The following ZNF726 variants were observed in gnomAD, a reference collection of about 807,000 sequenced individuals.
ZNF726 encodes the protein zinc finger protein 726, also known as zinc finger protein 92 pseudogene 3.
ZNF726 carries 15 observed loss-of-function variants against 11.6 expected under a neutral mutation model. The ratio of observed to expected loss-of-function variants is 1.29; its 90% CI spans 0.86 to 1.99. The LOEUF (loss-of-function observed/expected upper bound fraction) is 1.99, where lower values mean the gene tolerates loss of function less well. ZNF726 is among the 30% of genes most tolerant of loss of function. ZNF726 has a pLI of 0.00. For missense variants in ZNF726, 890 were observed against 725.6 expected, an observed-to-expected ratio of 1.23 and a Z score of -2.60; for synonymous variants, 295 against 243.6, an observed-to-expected ratio of 1.21 and a Z score of -1.96.
At chr19:23,941,292 T>A (rs1968334796) in intron 3 of ZNF726, among the ~76,000 whole-genome samples, 1 of 152,178 alleles carries the variant, frequency 6.6e-6, no homozygotes, top group Non-Finnish European at 1.5e-5. Flanking sequence ...TGTTGACGTG[T>A]GTGTGTTAAA....
At chr19:23,916,793 G>A (rs1448342996) in intron 1 of ZNF726, among the ~76,000 whole-genome samples, 1 of 151,232 alleles carries the variant, frequency 6.6e-6, no homozygotes, top group Middle Eastern at 3.2e-3. Flanking sequence ...GAATGTTTTT[G>A]GGTCAAGATT....
At chr19:23,940,335 A>G (rs1309554571) in intron 3 of ZNF726, among the ~76,000 whole-genome samples, 1 of 151,884 alleles carries the variant, frequency 6.6e-6, no homozygotes, top group African/African-American at 2.4e-5. Flanking sequence ...ATTTGGGTTT[A>G]TTTCTGGGTT....
downstream of ZNF726, among the ~76,000 whole-genome samples, chr19:23,937,211 A>G (rs1408463601): frequency 1.4e-5 from 2 of 143,348 alleles, no homozygotes; most frequent in East Asian, 4.4e-4. Context: ...TCCCTCCCGG[A>G]CGGGGCGGCT....
Position 23,932,589 on chromosome 19 carries a change from T to C in ZNF726, c.473T>C (p.Ile158Thr). 6.5e-7 allele frequency: 1 copy of C among 1,548,274 alleles called. No individual in the cohort carries two copies. The highest frequency in any genetic ancestry group is 8.7e-7 in the Non-Finnish European group (1 of 1,149,072). Reference protein sequence around the residue: ...GKYLKVFYKFINLNRYKIRHT... With the variant: ...GKYLKVFYKFTNLNRYKIRHT... Reference sequence around the variant, plus strand: ...TATTTGAAAGTCTTTTATAAATTTATAAATTTAAACAGATATAAGATAAGA... The same window carrying C: ...TATTTGAAAGTCTTTTATAAATTTACAAATTTAAACAGATATAAGATAAGA... The change falls in exon 4 of 4, where the codon ATA becomes ACA. Residue 158 changes from isoleucine (I) to threonine (T), a missense_variant. Ile to Thr is a moderately conservative substitution (Grantham distance 89). Coordinates refer to ENST00000594466, the MANE Select transcript of ZNF726 (RefSeq NM_001244038.2).
At chr19:23,932,309 G>GTT (rs1302651244) in intron 3 of ZNF726, 34 bp from the exon 4 acceptor site, 5 of 1,282,536 alleles carry the variant, frequency 3.9e-6, no homozygotes, top group Non-Finnish European at 5.0e-6. Flanking sequence ...TGTCAGTATA[G>GTT]TAAGTGGAGT....
intron 3 of ZNF726, among the ~76,000 whole-genome samples, chr19:23,930,276 CTA>C (rs1599465352): frequency 2.0e-5 from 3 of 151,872 alleles, no homozygotes; most frequent in Admixed American, 6.6e-5. Flanking sequence ...CAAGTAATCT[CTA>C]TGTTATTTTT....
At position 23,919,236 on chromosome 19, in the gene ZNF726, A is replaced by T. The variant is rs1008697719; in HGVS notation, c.4-137A>T. On this transcript the variant is annotated intron_variant, in intron 1 of 3. Transcript: ENST00000594466. ...ATTAGAAAATGTTTGTGTTTTGACA[A>T]TTATTTTATTGGATAATTTCAGTCC... The T allele has an allele frequency of 9.4e-6, 13 of 1,379,838 alleles. No individual in the cohort carries two copies. The Admixed American group carries it at 2.2e-4, about 23-fold the overall frequency. The allele number at this position is 1,379,838 out of a possible 1,614,324, so 85.5% of individuals were successfully genotyped here.
exon 4 of ZNF726, chr19:23,943,546 G>A (rs1398130714): frequency 1.0e-5 from 7 of 676,998 alleles, no homozygotes; most frequent in Non-Finnish European, 1.9e-5. Flanking sequence ...AAATAAAAGA[G>A]CCCTGGAATG....
intron 3 of ZNF726, among the ~76,000 whole-genome samples, chr19:23,926,155 G>A (rs1482923884): frequency 1.3e-5 from 2 of 152,044 alleles, no homozygotes; most frequent in East Asian, 3.9e-4. Context: ...GTGTAGTGTA[G>A]TTAAATTTTT....
chr19:23,930,799 G>A (rs965636117), intron 3 of ZNF726, among the ~76,000 whole-genome samples: 12 of 151,732 alleles, frequency 7.9e-5, no homozygotes, highest in African/African-American at 2.9e-4. Flanking sequence ...TCTCTTTTAG[G>A]TATTATTGTT....
intron 3 of ZNF726, among the ~76,000 whole-genome samples, chr19:23,943,178 G>A (rs767213633): frequency 5.3e-5 from 8 of 152,158 alleles, no homozygotes; most frequent in Non-Finnish European, 7.4e-5. Flanking sequence ...GCACCACCAC[G>A]CCCAGCTAAT....
At chr19:23,915,152 G>A (rs1161166629) in intron 1 of ZNF726, among the ~76,000 whole-genome samples, 155 bp downstream of exon 1, 1 of 152,172 alleles carries the variant, frequency 6.6e-6, no homozygotes, top group Non-Finnish European at 1.5e-5. Flanking sequence ...TCAGCCTTAA[G>A]ATGGCGGCTG....
chr19:23,915,007 C>T lies in ZNF726; in HGVS notation c.3+10C>T. 6.2e-7 allele frequency: 1 copy of T among 1,613,752 alleles called. No homozygotes were observed. Among genetic ancestry groups the T allele is most frequent in the Non-Finnish European group, 8.5e-7 (1 of 1,179,994 alleles). On this transcript the variant is annotated intron_variant, in intron 1 of 3. Coordinates refer to ENST00000594466, the MANE Select transcript of ZNF726 (RefSeq NM_001244038.2). ...TGGAAGCCTAGAAATGGTGAGAGTG[C>T]CGGGTGCGACATCCCAAGAGAGGGA...
chr19:23,915,113 A>C, intron 1 of ZNF726, 116 bp downstream of exon 1: 7 of 1,509,580 alleles, frequency 4.6e-6, no homozygotes, highest in Non-Finnish European at 6.4e-6. Context: ...TCTGCGCCCG[A>C]GTTGTTGCCC....
In ZNF726 at chr19:23,932,823, A is replaced by G; in HGVS notation, c.707A>G (p.Lys236Arg). Residue 236 changes from lysine (K) to arginine (R), a missense_variant, in exon 4 of 4, where the codon AAA becomes AGA. Lys to Arg is a conservative substitution (Grantham distance 26). Coordinates refer to ENST00000594466, the MANE Select transcript of ZNF726 (RefSeq NM_001244038.2). ...EKPYKCEEYG[K>R]AFNQSSNYTT... ...CCCTACAAATGTGAAGAATATGGCAAAGCTTTTAATCAATCCTCAAATTAT... is the reference window on the plus strand; with the variant it reads ...CCCTACAAATGTGAAGAATATGGCAGAGCTTTTAATCAATCCTCAAATTAT... 2.5e-6 allele frequency: 4 copies of G among 1,608,248 alleles called. No individual in the cohort carries two copies. Among genetic ancestry groups the G allele is most frequent in the Non-Finnish European group, 3.4e-6 (4 of 1,177,380 alleles).
At chr19:23,934,574 A>G (rs1968196006), downstream of ZNF726, 4 of 354,300 alleles carry the variant, frequency 1.1e-5, no homozygotes, top group South Asian at 4.5e-5. Flanking sequence ...TAGAATCAAG[A>G]AGGGTGTACA....
chr19:23,916,801 A>AT (rs59458760), intron 1 of ZNF726, among the ~76,000 whole-genome samples: 1,927 of 145,302 alleles, frequency 0.013, 36 homozygotes, highest in African/African-American at 0.044. Context: ...TTGGGTCAAG[A>AT]TTTTTTTTTT....
In ZNF726 at chr19:23,933,363, A is replaced by T. The variant is rs1299817634; in HGVS notation, c.1247A>T (p.Lys416Met). ...CGATCCTCAAATCTTACTAAACATA[A>T]GATAATTCATACTGGAGAGAAACCT... Reference protein sequence around the residue: ...FHRSSNLTKHKIIHTGEKPYK... With the variant: ...FHRSSNLTKHMIIHTGEKPYK... Residue 416 changes from lysine (K) to methionine (M), a missense_variant, in exon 4 of 4, where the codon AAG (lysine) becomes ATG (methionine). Lys to Met is a moderately conservative substitution (Grantham distance 95, BLOSUM62 -1). Coordinates refer to ENST00000594466, the MANE Select transcript of ZNF726 (RefSeq NM_001244038.2). The T allele has an allele frequency of 1.9e-6, 3 of 1,612,896 alleles. No homozygotes were observed. In the African/African-American group the frequency reaches 4.0e-5, roughly 22 times the overall value.
chr19:23,935,606 G>T, downstream of ZNF726: 1 of 315,026 alleles, frequency 3.2e-6, no homozygotes, highest in Non-Finnish European at 6.3e-6. Context: ...ACAAAATCAT[G>T]CTGCTGACAA....
Sources: gnomAD v4.1 joint callset for allele counts (sites outside exome capture counted in the v4.1 genomes callset) on GRCh38, gnomAD v4.1.1 for gene constraint, MANE v1.5 for transcripts, NCBI Gene and HGNC (gene_info 2026-07-23, HGNC 2026-07-21) for gene names.